The following TMEM181 variants were observed in gnomAD, a reference collection of about 807,000 sequenced individuals.
The protein encoded by TMEM181 is transmembrane protein 181, also known as G protein-coupled receptor 178.
TMEM181 carries 39 observed loss-of-function variants against 71.9 expected under a neutral mutation model. The observed-to-expected ratio is 0.54, with a 90% CI of 0.42 to 0.71. The LOEUF (loss-of-function observed/expected upper bound fraction) is 0.71. TMEM181 is among the 30% of genes least tolerant of loss of function. The pLI, the probability that TMEM181 is intolerant of heterozygous loss-of-function variation, is 0.00. For synonymous variants in TMEM181, 245 were observed against 228.8 expected (o/e 1.07, Z -0.64); for missense variants, 595 against 583.0 (o/e 1.02, Z -0.21).
At chr6:158,577,951 G>A (rs189669998) in intron 2 of TMEM181, among the ~76,000 whole-genome samples, 1 of 152,252 alleles carries the variant, frequency 6.6e-6, no homozygotes, top group African/African-American at 2.4e-5. Flanking sequence ...TTAGCCAGGC[G>A]TGGTGGCACA....
At chr6:158,580,510 A>G (rs935339785) in intron 2 of TMEM181, among the ~76,000 whole-genome samples, 4 of 152,230 alleles carry the variant, frequency 2.6e-5, no homozygotes, top group Non-Finnish European at 5.9e-5. Flanking sequence ...GCCCTTAATA[A>G]GTATTTTTGG....
At chr6:158,557,663 A>G (rs1387868849), upstream of TMEM181, among the ~76,000 whole-genome samples, 5 of 152,006 alleles carry the variant, frequency 3.3e-5, no homozygotes, top group East Asian at 1.9e-4. Flanking sequence ...GATTACAGGC[A>G]CCCGCCATCA....
intron 10 of TMEM181, among the ~76,000 whole-genome samples, chr6:158,613,180 C>T (rs1272882114): frequency 2.6e-5 from 4 of 152,082 alleles, no homozygotes; most frequent in East Asian, 1.9e-4. Flanking sequence ...TTTAAACTGT[C>T]GAAAACCATA....
intron 8 of TMEM181, 87 bp from the exon 9 acceptor site, chr6:158,608,246 G>C (rs1785071934): frequency 3.9e-6 from 6 of 1,538,524 alleles, no homozygotes; most frequent in Non-Finnish European, 4.4e-6. Context: ...TCTCTGCTAG[G>C]TGCTGACCCC....
At chr6:158,569,282 C>A (rs959949959) in intron 1 of TMEM181, among the ~76,000 whole-genome samples, 1 of 152,238 alleles carries the variant, frequency 6.6e-6, no homozygotes, top group Non-Finnish European at 1.5e-5. Flanking sequence ...GGACCCTAGG[C>A]CCTCCAGTGA....
At chr6:158,577,128 T>C (rs959972599) in intron 2 of TMEM181, among the ~76,000 whole-genome samples, 1 of 129,426 alleles carries the variant, frequency 7.7e-6, no homozygotes, top group African/African-American at 2.9e-5. Flanking sequence ...GGGAAAAAAA[T>C]GAAGTGTCAG....
intron 10 of TMEM181, among the ~76,000 whole-genome samples, chr6:158,621,035 G>T (rs1031830936): frequency 3.3e-5 from 5 of 152,174 alleles, no homozygotes; most frequent in African/African-American, 1.2e-4. Context: ...TGCTTATCTG[G>T]AAGGGAGAGT....
chr6:158,611,459 G>T, intron 10 of TMEM181: 2 of 538,080 alleles, frequency 3.7e-6, no homozygotes, highest in Admixed American at 2.0e-5. Flanking sequence ...TCTGGACCTT[G>T]TTGGGTTCCT....
intron 1 of TMEM181, among the ~76,000 whole-genome samples, chr6:158,549,181 G>A (rs926424015): frequency 9.4e-5 from 13 of 138,864 alleles, no homozygotes; most frequent in South Asian, 2.2e-4. Flanking sequence ...CCAGTGGCGC[G>A]ATCACGGCTC....
rs1167791457 is a variant in TMEM181 at position 158,585,438 on chromosome 6, GGTGA to G, written c.381+15_381+18del. 3 of 1,571,524 alleles carry G rather than the reference GGTGA, an allele frequency of 1.9e-6. No individual in the cohort carries two copies. The highest frequency in any genetic ancestry group is 2.6e-6 in the Non-Finnish European group (3 of 1,162,526). On this transcript the variant is annotated intron_variant, in intron 5 of 16. Coordinates refer to ENST00000684151, the MANE Select transcript of TMEM181 (RefSeq NM_001376852.1). ...CACATGTGCAGGGGTGAGTGTGTGG[GGTGA>G]GCCCCACAGTCAGTCCTCAGGCTGT...
chr6:158,632,054 T>G lies in TMEM181; in HGVS notation c.*166T>G, dbSNP rs1481357364. The G allele has an allele frequency of 3.0e-6, 2 of 673,076 alleles. No homozygotes were observed. Among genetic ancestry groups the G allele is most frequent in the Non-Finnish European group, 5.0e-6 (2 of 401,980 alleles). 41.7% of individuals were successfully genotyped at this position (673,076 alleles called of 1,614,324 possible). Reference sequence around the variant, plus strand: ...AACCAAAACTGAGGGTAAATTTAAATGTTTAGCCAAATTTATTGTCATGGT... The same window carrying G: ...AACCAAAACTGAGGGTAAATTTAAAGGTTTAGCCAAATTTATTGTCATGGT... On this transcript the variant is annotated 3_prime_UTR_variant, in exon 17 of 17. Transcript: ENST00000684151.
At chr6:158,549,110 C>CTTTTTTTTTTTTTTTTTTTTTTTTTTTT in intron 1 of TMEM181, among the ~76,000 whole-genome samples, 1 of 67,514 alleles carries the variant, frequency 1.5e-5, no homozygotes, top group African/African-American at 6.2e-5. Context: ...GTGCACACTT[C>CTTTTTTTTTTTTTTTTTTTTTTTTTTTT]TTTTTTTTTT....
At chr6:158,594,740 T>C (rs1784300602) in intron 6 of TMEM181, among the ~76,000 whole-genome samples, 1 of 152,202 alleles carries the variant, frequency 6.6e-6, no homozygotes, top group African/African-American at 2.4e-5. Flanking sequence ...CCAGGCTGAG[T>C]GCAATGGCAC....
At chr6:158,625,974 T>C (rs1010619486) in intron 13 of TMEM181, among the ~76,000 whole-genome samples, 1 of 152,190 alleles carries the variant, frequency 6.6e-6, no homozygotes, top group Non-Finnish European at 1.5e-5. Flanking sequence ...GCACGTTCAC[T>C]TGCACACTCG....
At chr6:158,612,282 A>AG (rs1785374934) in intron 10 of TMEM181, among the ~76,000 whole-genome samples, 1 of 152,166 alleles carries the variant, frequency 6.6e-6, no homozygotes, top group Non-Finnish European at 1.5e-5. Flanking sequence ...GTCCAAGATG[A>AG]CGGTGCTCCT....
Position 158,560,185 on chromosome 6 carries a change from CGGGACGCGCGGGCCGGGGCCGA to C in TMEM181, c.-36_-15del. The C allele has an allele frequency of 1.5e-5, 15 of 984,788 alleles. No homozygotes were observed. The highest frequency in any genetic ancestry group is 1.8e-5 in the Non-Finnish European group (15 of 829,724). The allele number at this position is 984,788 out of a possible 1,614,324, so 61.0% of individuals were successfully genotyped here. ...GCTGCTGCGCGGCGCCTGGCGGGCT[CGGGACGCGCGGGCCGGGGCCGA>C]GGGCTCTGGGCGCCGAGATGGAGCC... On this transcript the variant is annotated 5_prime_UTR_variant, in exon 1 of 17. Coordinates refer to ENST00000684151, the MANE Select transcript of TMEM181 (RefSeq NM_001376852.1).
intron 15 of TMEM181, among the ~76,000 whole-genome samples, chr6:158,630,714 TAAA>T (rs35963539): frequency 1.4e-5 from 2 of 141,650 alleles, no homozygotes. Flanking sequence ...TTGTTACCAT[TAAA>T]AAAAAAAAAA....
chr6:158,577,727 T>C (rs1302529595), intron 2 of TMEM181, among the ~76,000 whole-genome samples: 2 of 152,120 alleles, frequency 1.3e-5, no homozygotes, highest in Non-Finnish European at 1.5e-5. Flanking sequence ...CTCAGTAAGT[T>C]TGTCAGCAGA....
intron 8 of TMEM181, among the ~76,000 whole-genome samples, chr6:158,607,835 G>A (rs1367036620): frequency 6.6e-6 from 1 of 152,180 alleles, no homozygotes; most frequent in East Asian, 1.9e-4. Flanking sequence ...ACAAATAGGC[G>A]GCTGTTCGGT....
Sources: gnomAD v4.1 joint callset for allele counts (sites outside exome capture counted in the v4.1 genomes callset) on GRCh38, gnomAD v4.1.1 for gene constraint, MANE v1.5 for transcripts, NCBI Gene and HGNC (gene_info 2026-07-23, HGNC 2026-07-21) for gene names.